Variants in SCML4 observed in about 807,000 individuals in gnomAD.
The protein encoded by SCML4 is sex comb on midleg-like protein 4.
In SCML4, 34 loss-of-function variants were observed where a neutral mutation model predicts 41.1. The observed-to-expected ratio is 0.83, with a 90% CI of 0.63 to 1.10. SCML4 has a LOEUF of 1.10. Among genes scored for constraint, SCML4 ranks in the 50% least tolerant of loss-of-function variants. The probability of loss-of-function intolerance (pLI) is 0.00; values close to 1 mark genes in which losing one functional copy is unlikely to be tolerated. For missense variants in SCML4, 522 were observed against 534.1 expected (o/e 0.98, Z 0.22); for synonymous variants, 214 against 220.9 (o/e 0.97, Z 0.28).
At chr6:107,715,267 G>A (rs1201338489) in intron 6 of SCML4, among the ~76,000 whole-genome samples, 8 of 136,808 alleles carry the variant, frequency 5.8e-5, no homozygotes, top group African/African-American at 1.1e-4. Flanking sequence ...GAGCCACTGC[G>A]TCTGGCCCCT....
intron 6 of SCML4, among the ~76,000 whole-genome samples, chr6:107,711,510 GTT>G (rs1774215041): frequency 6.6e-6 from 1 of 152,188 alleles, no homozygotes; most frequent in Non-Finnish European, 1.5e-5. Flanking sequence ...TACCATCTAG[GTT>G]TGTGCAAGTA....
intron 1 of SCML4, among the ~76,000 whole-genome samples, chr6:107,822,239 AG>A (rs1288794311): frequency 3.1e-4 from 47 of 152,210 alleles, no homozygotes; most frequent in African/African-American, 1.1e-3. Context: ...TCATTATAAA[AG>A]TTCTTGCAGC....
chr6:107,741,178 G>A (rs543487695), intron 5 of SCML4, among the ~76,000 whole-genome samples: 13 of 152,250 alleles, frequency 8.5e-5, no homozygotes, highest in African/African-American at 2.2e-4. Flanking sequence ...GTACAGCACC[G>A]AGATTATAAC....
chr6:107,782,656 G>C (rs183626490), intron 1 of SCML4, among the ~76,000 whole-genome samples: 2 of 152,196 alleles, frequency 1.3e-5, no homozygotes, highest in African/African-American at 4.8e-5. Flanking sequence ...GTCTGAGTTT[G>C]CCTGATGGCA....
upstream of SCML4, among the ~76,000 whole-genome samples, chr6:107,824,549 G>A (rs902024749): frequency 7.0e-6 from 1 of 142,858 alleles, no homozygotes; most frequent in Non-Finnish European, 1.5e-5. Flanking sequence ...CAGCCTAAGA[G>A]AAATGTGCAG....
chr6:107,733,525 T>G (rs1776756693), intron 5 of SCML4, among the ~76,000 whole-genome samples: 1 of 152,212 alleles, frequency 6.6e-6, no homozygotes, highest in Admixed American at 6.5e-5. Context: ...CAGCTCCTCT[T>G]GGCATGGTTT....
At chr6:107,705,875 C>T (rs533423596) in intron 7 of SCML4, among the ~76,000 whole-genome samples, 239 of 152,242 alleles carry the variant, frequency 1.6e-3, no homozygotes, top group African/African-American at 5.5e-3. Flanking sequence ...TCTCAGGGTT[C>T]AGCACAAAGA....
At chr6:107,733,830 T>C (rs1293646959) in intron 5 of SCML4, among the ~76,000 whole-genome samples, 1 of 152,250 alleles carries the variant, frequency 6.6e-6, no homozygotes, top group Non-Finnish European at 1.5e-5. Context: ...CTCCCGGACC[T>C]ACTCTTCTGT....
At chr6:107,815,862 C>A (rs1465952128) in intron 1 of SCML4, among the ~76,000 whole-genome samples, 1 of 151,888 alleles carries the variant, frequency 6.6e-6, no homozygotes, top group African/African-American at 2.4e-5. Context: ...TTGGGTCTGA[C>A]AGGCCTAAAA....
intron 1 of SCML4, among the ~76,000 whole-genome samples, chr6:107,791,844 C>T (rs1178142675): frequency 1.3e-5 from 2 of 152,106 alleles, no homozygotes; most frequent in Non-Finnish European, 2.9e-5. Flanking sequence ...ATCCCAGTCC[C>T]AGCTACTCAG....
intron 5 of SCML4, among the ~76,000 whole-genome samples, chr6:107,741,449 G>A (rs1394616005): frequency 1.3e-5 from 2 of 152,232 alleles, no homozygotes; most frequent in Admixed American, 1.3e-4. Context: ...TAATCCATAG[G>A]AAGCATTGAG....
At chr6:107,751,647 T>TTTA (rs1226281445) in intron 2 of SCML4, among the ~76,000 whole-genome samples, 1 of 145,640 alleles carries the variant, frequency 6.9e-6, no homozygotes, top group East Asian at 2.0e-4. Flanking sequence ...TCTTTCTTTC[T>TTTA]TTTTTGAGAG....
chr6:107,739,098 G>C (rs1467930679), intron 5 of SCML4, among the ~76,000 whole-genome samples: 1 of 152,104 alleles, frequency 6.6e-6, no homozygotes, highest in Non-Finnish European at 1.5e-5. Flanking sequence ...TTCTCTACCT[G>C]GGAGAGTGTT....
Position 107,746,763 on chromosome 6 carries a change from C to T in SCML4, c.413G>A (p.Cys138Tyr). 1 of 1,614,014 alleles carries T rather than the reference C, an allele frequency of 6.2e-7. No homozygotes were observed. Among genetic ancestry groups the T allele is most frequent in the Non-Finnish European group, 8.5e-7 (1 of 1,180,028 alleles). The change falls in exon 4 of 8, where the codon TGC (cysteine) becomes TAC (tyrosine). Residue 138 changes from cysteine (C) to tyrosine (Y), a missense_variant. Transcript: ENST00000369020. ...CTTCTGCTGGTGGGCGCAGTCGATG[C>T]AGGCTTGGACGGCCTGCTGCAGCAC... Reference protein sequence around the residue: ...SAVLQQAVQACIDCAHQQKLV... With the variant: ...SAVLQQAVQAYIDCAHQQKLV...
At chr6:107,840,942 C>G in the SCML4 span, among the ~76,000 whole-genome samples, 1 of 152,234 alleles carries the variant, frequency 6.6e-6, no homozygotes, top group East Asian at 1.9e-4. Flanking sequence ...GTAACGTTAA[C>G]TCCTAGAATA....
intron 1 of SCML4, among the ~76,000 whole-genome samples, chr6:107,809,719 T>C (rs545949481): frequency 6.6e-6 from 1 of 152,236 alleles, no homozygotes; most frequent in South Asian, 2.1e-4. Context: ...TTTGGAAACG[T>C]TGAGTTCAGG....
chr6:107,811,360 T>A (rs2114272093), intron 1 of SCML4, among the ~76,000 whole-genome samples: 1 of 152,324 alleles, frequency 6.6e-6, no homozygotes, highest in South Asian at 2.1e-4. Flanking sequence ...TGAACTTGCC[T>A]GTTTTCTTGA....
rs549655423 is a variant in SCML4, at chr6:107,740,693, T to A, written c.682+4256A>T. On this transcript the variant is annotated intron_variant, in intron 5 of 7. Transcript: ENST00000369020. Reference sequence around the variant, plus strand: ...ATTTACCCCCAGAGGCCTTGGACTGTGGAAAGAATTGTAAATGACCAGCTA... The same window carrying A: ...ATTTACCCCCAGAGGCCTTGGACTGAGGAAAGAATTGTAAATGACCAGCTA... Among the ~76,000 whole-genome samples, 3 of 152,246 alleles carry A rather than the reference T, an allele frequency of 2.0e-5. No individual in the cohort carries two copies. The East Asian group carries it at 5.8e-4, about 29-fold the overall frequency.
At chr6:107,832,242 C>CAATAAA in the SCML4 span, among the ~76,000 whole-genome samples, 1 of 149,232 alleles carries the variant, frequency 6.7e-6, no homozygotes, top group Admixed American at 6.6e-5. Flanking sequence ...CTGTCTCAAA[C>CAATAAA]AATAAAAATA....
Sources: gnomAD v4.1 joint callset for allele counts (sites outside exome capture counted in the v4.1 genomes callset) on GRCh38, gnomAD v4.1.1 for gene constraint, MANE v1.5 for transcripts, NCBI Gene and HGNC (gene_info 2026-07-23, HGNC 2026-07-21) for gene names.